The following SPAG16 variants were observed in gnomAD, a reference collection of about 807,000 sequenced individuals.
SPAG16 encodes the protein sperm associated antigen 16, also known as sperm-associated antigen 16 protein.
A neutral mutation model predicts 80.4 loss-of-function variants in SPAG16; 86 were observed. The observed-to-expected ratio is 1.07, with a 90% CI of 0.90 to 1.28. The LOEUF is 1.28. Ranked by LOEUF, SPAG16 falls within the 50% of genes most tolerant of loss-of-function variation. The pLI is 0.00. For missense variants in SPAG16, 870 were observed against 765.3 expected (o/e 1.14, Z -1.61); for synonymous variants, 294 against 265.9 (o/e 1.11, Z -1.03).
At chr2:214,160,525 T>C (rs1410428923) in intron 15 of SPAG16, among the ~76,000 whole-genome samples, 1 of 151,972 alleles carries the variant, frequency 6.6e-6, no homozygotes, top group Admixed American at 6.6e-5. Flanking sequence ...ACTGAATTAA[T>C]CATACTTCTC....
intron 10 of SPAG16, among the ~76,000 whole-genome samples, chr2:213,576,992 G>A (rs1242128562): frequency 6.6e-6 from 1 of 151,946 alleles, no homozygotes; most frequent in African/African-American, 2.4e-5. Context: ...AGGGTTTGTT[G>A]TACATATTTC....
At chr2:213,978,016 C>A (rs2045508277) in intron 12 of SPAG16, among the ~76,000 whole-genome samples, 1 of 150,990 alleles carries the variant, frequency 6.6e-6, no homozygotes, top group Admixed American at 6.6e-5. Flanking sequence ...GATGCGCACC[C>A]TTAAATTCTT....
At chr2:213,794,247 CAA>C (rs969289737) in intron 10 of SPAG16, among the ~76,000 whole-genome samples, 1 of 151,948 alleles carries the variant, frequency 6.6e-6, no homozygotes, top group Non-Finnish European at 1.5e-5. Context: ...ATTACAGCAA[CAA>C]AAAAGTCAAT....
chr2:213,818,253 T>C (rs1243647787), intron 10 of SPAG16, among the ~76,000 whole-genome samples: 1 of 152,028 alleles, frequency 6.6e-6, no homozygotes, highest in Admixed American at 6.6e-5. Flanking sequence ...CTCCTGGATA[T>C]TACCTGGTAG....
At chr2:213,430,257 G>A (rs1337467778) in intron 9 of SPAG16, among the ~76,000 whole-genome samples, 5 of 152,206 alleles carry the variant, frequency 3.3e-5, no homozygotes, top group Non-Finnish European at 7.3e-5. Flanking sequence ...ATTTTGGAAC[G>A]TGAAGACAGG....
chr2:214,060,591 A>G (rs191817973), intron 13 of SPAG16, among the ~76,000 whole-genome samples: 3 of 152,318 alleles, frequency 2.0e-5, no homozygotes, highest in Admixed American at 6.5e-5. Context: ...TAAAACTATA[A>G]CACTCTCTTA....
intron 10 of SPAG16, among the ~76,000 whole-genome samples, chr2:213,760,226 G>C (rs1339955258): frequency 1.3e-5 from 2 of 151,682 alleles, no homozygotes; most frequent in Non-Finnish European, 2.9e-5. Flanking sequence ...GAAGGTAGAG[G>C]GACAGAAAAA....
At chr2:213,490,239 C>G in intron 10 of SPAG16, 149 bp downstream of exon 10, 1 of 696,194 alleles carries the variant, frequency 1.4e-6, no homozygotes, top group Non-Finnish European at 2.2e-6. Context: ...CTTATAGTAG[C>G]TGTAAGAATC....
intron 9 of SPAG16, among the ~76,000 whole-genome samples, chr2:213,426,750 ATCTGGTGTG>A (rs2069940520): frequency 6.9e-6 from 1 of 144,088 alleles, no homozygotes; most frequent in African/African-American, 2.6e-5. Flanking sequence ...AAAAGCATAA[ATCTGGTGTG>A]TGTGTGTGTG....
chr2:214,397,009 TTC>T (rs1701429743), intron 15 of SPAG16, among the ~76,000 whole-genome samples: 1 of 151,982 alleles, frequency 6.6e-6, no homozygotes, highest in South Asian at 2.1e-4. Context: ...AAAAATTTTA[TTC>T]TGTTTAATAT....
At chr2:213,354,368 G>A (rs576367534) in intron 7 of SPAG16, among the ~76,000 whole-genome samples, 3 of 152,188 alleles carry the variant, frequency 2.0e-5, no homozygotes, top group South Asian at 2.1e-4. Context: ...TATCTTTATC[G>A]TAGCATCATT....
At chr2:213,614,516 A>G (rs1054049586) in intron 10 of SPAG16, among the ~76,000 whole-genome samples, 8 of 152,192 alleles carry the variant, frequency 5.3e-5, no homozygotes, top group Admixed American at 4.6e-4. Flanking sequence ...TTTGGCTATC[A>G]GTCCTTCAGA....
At chr2:213,344,641 G>GT (rs2064872556) in intron 6 of SPAG16, among the ~76,000 whole-genome samples, 1 of 151,254 alleles carries the variant, frequency 6.6e-6, no homozygotes, top group South Asian at 2.1e-4. Context: ...TTGGTTTTTT[G>GT]TCCTTGCAAT....
intron 13 of SPAG16, among the ~76,000 whole-genome samples, chr2:214,107,690 A>G (rs146961951): frequency 1.3e-5 from 2 of 152,320 alleles, no homozygotes; most frequent in African/African-American, 2.4e-5. Context: ...GTATTTAAAA[A>G]TGCCACTGTA....
chr2:213,422,851 A>C (rs1436847332), intron 9 of SPAG16, among the ~76,000 whole-genome samples: 1 of 152,218 alleles, frequency 6.6e-6, no homozygotes, highest in Middle Eastern at 3.2e-3. Flanking sequence ...TTTGACATCC[A>C]AGCCTTAGCC....
intron 10 of SPAG16, among the ~76,000 whole-genome samples, chr2:213,580,804 T>C (rs77652507): frequency 2.6e-5 from 4 of 152,168 alleles, no homozygotes; most frequent in African/African-American, 7.2e-5. Flanking sequence ...TTTTTATTTA[T>C]CATTTTAATA....
rs58070679 is a variant in SPAG16 at position 213,728,876 on chromosome 2, C to CAAAA, written c.1071-133567_1071-133564dup. ...TGGGCGACAGAGTGAGACTCCGTCT[C>CAAAA]AAAAAAAAAAAAAAAAAAAAAAAAA... On this transcript the variant is annotated intron_variant, in intron 10 of 15. Coordinates refer to ENST00000331683, the MANE Select transcript of SPAG16 (RefSeq NM_024532.5). 9.1e-4 allele frequency among the ~76,000 whole-genome samples: 53 copies of CAAAA among 58,460 alleles called. 2 individuals carry two copies. The highest frequency in any genetic ancestry group is 1.8e-3 in the African/African-American group (22 of 11,990). 38.4% of individuals were successfully genotyped at this position (58,460 alleles called of 152,430 possible).
intron 9 of SPAG16, among the ~76,000 whole-genome samples, chr2:213,416,334 C>G (rs1206838122): frequency 6.6e-6 from 1 of 152,164 alleles, no homozygotes; most frequent in East Asian, 1.9e-4. Context: ...TATCAGGGAC[C>G]AGATCTTTGT....
At chr2:214,124,593 A>T (rs2054383673) in intron 14 of SPAG16, among the ~76,000 whole-genome samples, 1 of 151,866 alleles carries the variant, frequency 6.6e-6, no homozygotes, top group Non-Finnish European at 1.5e-5. Flanking sequence ...TTGTCACACC[A>T]ATTTACTCAT....
Sources: allele counts gnomAD v4.1 joint callset (sites outside exome capture counted in the v4.1 genomes callset), GRCh38; gene constraint gnomAD v4.1.1; transcripts MANE v1.5; gene names NCBI Gene and HGNC (gene_info 2026-07-23, HGNC 2026-07-21).